Variants in TIAM1 observed in about 807,000 individuals in gnomAD.
TIAM1 encodes TIAM Rac1 associated GEF 1.
Under a neutral mutation model 163.5 loss-of-function variants are expected in TIAM1, and 65 were observed. The observed-to-expected ratio is 0.40, with a 90% CI of 0.33 to 0.49. The LOEUF is 0.49. Ranked by LOEUF, TIAM1 falls within the 20% of genes least tolerant of loss-of-function variation. The pLI, the probability that TIAM1 is intolerant of heterozygous loss-of-function variation, is 0.77. For missense variants in TIAM1, 1,789 were observed against 2,044.7 expected (o/e 0.87, Z 2.41); for synonymous variants, 833 against 810.1 (o/e 1.03, Z -0.48).
intron 2 of TIAM1, among the ~76,000 whole-genome samples, chr21:31,426,496 G>A (rs536499128): frequency 6.6e-6 from 1 of 152,276 alleles, no homozygotes; most frequent in East Asian, 1.9e-4. Context: ...TTGCTTGATT[G>A]CAGGGGAAGG....
chr21:31,170,536 A>T (rs2084451936), intron 15 of TIAM1, among the ~76,000 whole-genome samples: 1 of 152,192 alleles, frequency 6.6e-6, no homozygotes, highest in Non-Finnish European at 1.5e-5. Flanking sequence ...TTTAAAAAGA[A>T]AAACAAGATT....
At chr21:31,230,557 C>G (rs894994991) in intron 6 of TIAM1, among the ~76,000 whole-genome samples, 1 of 152,116 alleles carries the variant, frequency 6.6e-6, no homozygotes, top group Non-Finnish European at 1.5e-5. Flanking sequence ...CAGAATCTCA[C>G]TCTGTTGCCC....
rs553963665 is a variant in TIAM1 at position 31,281,684 on chromosome 21, A to C, written c.-188-4776T>G. 5.3e-5 allele frequency among the ~76,000 whole-genome samples: 8 copies of C among 150,894 alleles called. No homozygotes were observed. In the South Asian group the frequency reaches 1.7e-3, roughly 31 times the overall value. On this transcript the variant is annotated intron_variant, in intron 2 of 27. Transcript: ENST00000541036. Reference sequence around the variant, plus strand: ...GGTAGATGAATGGACAGATAAGTGGATGGATGGATGGATGGATGGATGGAT... The same window carrying C: ...GGTAGATGAATGGACAGATAAGTGGCTGGATGGATGGATGGATGGATGGAT...
At chr21:31,211,415 C>T (rs1346072449) in intron 10 of TIAM1, among the ~76,000 whole-genome samples, 1 of 152,090 alleles carries the variant, frequency 6.6e-6, no homozygotes, top group Non-Finnish European at 1.5e-5. Flanking sequence ...AAGTAATAGG[C>T]CTTCATTATT....
chr21:31,248,280 C>T (rs2071614397), intron 5 of TIAM1, among the ~76,000 whole-genome samples: 1 of 152,204 alleles, frequency 6.6e-6, no homozygotes, highest in African/African-American at 2.4e-5. Context: ...CTAACACACG[C>T]ACCTAGTGAA....
At chr21:31,493,879 A>C (rs1178088861) in intron 1 of TIAM1, among the ~76,000 whole-genome samples, 2 of 152,030 alleles carry the variant, frequency 1.3e-5, no homozygotes, top group Non-Finnish European at 2.9e-5. Flanking sequence ...TATTTGTTAA[A>C]GTGAGTTAGG....
intron 2 of TIAM1, among the ~76,000 whole-genome samples, chr21:31,366,162 C>A (rs1299432545): frequency 2.0e-5 from 3 of 151,000 alleles, no homozygotes; most frequent in African/African-American, 7.3e-5. Flanking sequence ...TATCTGATGT[C>A]ACAGCCATGA....
chr21:31,554,182 G>A lies in TIAM1; in HGVS notation c.-422+4745C>T, dbSNP rs77690713. Among the ~76,000 whole-genome samples the A allele has an allele frequency of 6.3e-3, 952 of 152,196 alleles. 6 individuals carry two copies. The highest frequency in any genetic ancestry group is 9.1e-3 in the Non-Finnish European group (618 of 68,012). On this transcript the variant is annotated intron_variant, in intron 1 of 28. Coordinates refer to the TIAM1 transcript ENST00000286827. ...AGAGAAGCGTGTTTTGGGTCTTTAA[G>A]GAAAAGCAACTGAATCCTCATAGCC... is the stretch of plus-strand genomic sequence containing the variant.
chr21:31,427,978 G>A (rs1019877510), intron 2 of TIAM1, among the ~76,000 whole-genome samples: 1 of 151,752 alleles, frequency 6.6e-6, no homozygotes, highest in Non-Finnish European at 1.5e-5. Context: ...GAAACTGAAC[G>A]CGGCCAGGCG....
At chr21:31,176,082 T>C (rs1432385587) in intron 15 of TIAM1, among the ~76,000 whole-genome samples, 1 of 152,168 alleles carries the variant, frequency 6.6e-6, no homozygotes, top group Admixed American at 6.6e-5. Flanking sequence ...TGAAGATATG[T>C]TTGATGGGCA....
intron 2 of TIAM1, among the ~76,000 whole-genome samples, chr21:31,299,484 T>G (rs767706970): frequency 1.2e-4 from 19 of 152,264 alleles, no homozygotes; most frequent in Admixed American, 2.0e-4. Flanking sequence ...TTTGTCAGCT[T>G]ATTTTGTTTG....
At chr21:31,513,900 C>T (rs767340012) in intron 1 of TIAM1, among the ~76,000 whole-genome samples, 3 of 151,978 alleles carry the variant, frequency 2.0e-5, no homozygotes, top group Non-Finnish European at 4.4e-5. Flanking sequence ...CCAGCTACTC[C>T]GGAGGCTCAG....
At chr21:31,236,681 G>C (rs959321561) in intron 6 of TIAM1, among the ~76,000 whole-genome samples, 9 of 152,248 alleles carry the variant, frequency 5.9e-5, no homozygotes, top group Admixed American at 5.2e-4. Flanking sequence ...GGTAAGAATT[G>C]ATGTTGAGGG....
chr21:31,194,368 C>T (rs1569003126), intron 13 of TIAM1, among the ~76,000 whole-genome samples: 1 of 152,126 alleles, frequency 6.6e-6, no homozygotes, highest in African/African-American at 2.4e-5. Flanking sequence ...CCCCTACACA[C>T]CACCAAAATA....
At chr21:31,186,406 C>T (rs987945885) in intron 14 of TIAM1, among the ~76,000 whole-genome samples, 1 of 152,020 alleles carries the variant, frequency 6.6e-6, no homozygotes, top group Admixed American at 6.6e-5. Flanking sequence ...CCAGGAAGAA[C>T]CCCCCCAGGA....
chr21:31,290,108 T>C (rs942993573), intron 2 of TIAM1, among the ~76,000 whole-genome samples: 4 of 152,242 alleles, frequency 2.6e-5, no homozygotes, highest in Admixed American at 6.5e-5. Context: ...AAATACATTA[T>C]GCACATTTCA....
intron 6 of TIAM1, among the ~76,000 whole-genome samples, chr21:31,227,399 T>C (rs1748238094): frequency 6.6e-6 from 1 of 152,174 alleles, no homozygotes; most frequent in Non-Finnish European, 1.5e-5. Flanking sequence ...AGAAACAGCA[T>C]CAAATATTAA....
intron 2 of TIAM1, among the ~76,000 whole-genome samples, chr21:31,431,648 C>A (rs2044032036): frequency 6.6e-6 from 1 of 152,194 alleles, no homozygotes; most frequent in Non-Finnish European, 1.5e-5. Flanking sequence ...CTGAGAAATG[C>A]CGTTAGGCAA....
At chr21:31,419,973 C>T (rs984466924) in intron 2 of TIAM1, among the ~76,000 whole-genome samples, 4 of 152,258 alleles carry the variant, frequency 2.6e-5, no homozygotes, top group Non-Finnish European at 4.4e-5. Context: ...CGCTTGAACC[C>T]GAGAGGTGGA....
Sources: gnomAD v4.1 joint callset for allele counts (sites outside exome capture counted in the v4.1 genomes callset) on GRCh38, gnomAD v4.1.1 for gene constraint, MANE v1.5 for transcripts, NCBI Gene and HGNC (gene_info 2026-07-23, HGNC 2026-07-21) for gene names.